The following VPS13A variants were observed in gnomAD, a reference collection of about 807,000 sequenced individuals.
VPS13A encodes intermembrane lipid transfer protein VPS13A.
Under a neutral mutation model 390.9 loss-of-function variants are expected in VPS13A, and 264 were observed. The ratio of observed to expected loss-of-function variants is 0.68; its 90% confidence interval spans 0.61 to 0.75. The LOEUF (loss-of-function observed/expected upper bound fraction) is 0.75, where lower values mean the gene tolerates loss of function less well. Among genes scored for constraint, VPS13A ranks in the 30% least tolerant of loss-of-function variants. The probability of loss-of-function intolerance (pLI) is 0.00; values close to 1 mark genes in which losing one functional copy is unlikely to be tolerated. For synonymous variants in VPS13A, 1,231 were observed against 1,227.1 expected (o/e 1.00, Z -0.07); for missense variants, 3,409 against 3,733.9 (o/e 0.91, Z 2.27).
chr9:77,364,164 G>A (rs538709386), intron 59 of VPS13A, among the ~76,000 whole-genome samples: 5 of 152,232 alleles, frequency 3.3e-5, no homozygotes, highest in East Asian at 1.9e-4. Context: ...GGTGGCTCAC[G>A]CCTGTAATCC....
chr9:77,396,086 A>T (rs1370535744), intron 68 of VPS13A, among the ~76,000 whole-genome samples: 4 of 151,930 alleles, frequency 2.6e-5, no homozygotes, highest in African/African-American at 7.3e-5. Context: ...GTTACTGTGC[A>T]CCTACATTAC....
rs1826656218 is a variant in VPS13A, at chr9:77,276,167, T to C, written c.2770T>C (p.Leu924=). The C allele has an allele frequency of 6.2e-7, 1 of 1,610,822 alleles. No homozygotes were observed. Among genetic ancestry groups the C allele is most frequent in the South Asian group, 1.1e-5 (1 of 90,136 alleles). The change falls in exon 26 of 72, where the codon TTG becomes CTG. Residue 924 remains leucine, a synonymous_variant. Transcript: ENST00000360280. ...GAEIEIRTYD[L]KANAFLKEFC... is the part of the protein sequence containing the mutation. ...AGAAATTGAGATTAGAACATACGATTTGAAAGCAAATGCCTTTTTGAAAGA... is the reference window on the plus strand; with the variant it reads ...AGAAATTGAGATTAGAACATACGATCTGAAAGCAAATGCCTTTTTGAAAGA...
At chr9:77,351,296 G>T (rs574612018) in intron 52 of VPS13A, 21 bp from the exon 53 acceptor site, 3 of 1,610,482 alleles carry the variant, frequency 1.9e-6, no homozygotes, top group Non-Finnish European at 1.7e-6. Context: ...AATTTAACGC[G>T]TATTTTTGCT....
At position 77,419,426 on chromosome 9, in the gene VPS13A, G is replaced by A. The variant is rs1420141108; in HGVS notation, c.*3420G>A. The A allele has an allele frequency of 1.3e-5, 2 of 152,136 alleles. No homozygotes were observed. Among genetic ancestry groups the A allele is most frequent in the Non-Finnish European group, 2.9e-5 (2 of 68,034 alleles). 9.4% of individuals were successfully genotyped at this position (152,136 alleles called of 1,614,324 possible). A position where few individuals can be genotyped will look rare whatever the true frequency, so the allele number is the denominator to read the frequency against. On this transcript the variant is annotated 3_prime_UTR_variant, in exon 72 of 72. Coordinates refer to ENST00000360280, the MANE Select transcript of VPS13A (RefSeq NM_033305.3). ...ATGAAATGCAATTTAAAAAAAGAAAGCTTGAAAGACTGCTGCAGGAGGCAC... is the reference window on the plus strand; with the variant it reads ...ATGAAATGCAATTTAAAAAAAGAAAACTTGAAAGACTGCTGCAGGAGGCAC...
At chr9:77,278,237 ATTTTTTTT>A (rs57545793) in intron 26 of VPS13A, among the ~76,000 whole-genome samples, 16 of 115,400 alleles carry the variant, frequency 1.4e-4, no homozygotes, top group Admixed American at 6.6e-4. Flanking sequence ...CGCCCAGCTA[ATTTTTTTT>A]TTTTTTTTTT....
intron 70 of VPS13A, among the ~76,000 whole-genome samples, chr9:77,406,733 T>A (rs78992962): frequency 1.5e-5 from 2 of 135,422 alleles, no homozygotes; most frequent in African/African-American, 2.7e-5. Context: ...TTTTTTTTTT[T>A]AATTAGAAGA....
intron 17 of VPS13A, among the ~76,000 whole-genome samples, chr9:77,233,425 A>G (rs1823952187): frequency 1.3e-5 from 2 of 151,470 alleles, no homozygotes; most frequent in South Asian, 4.2e-4. Flanking sequence ...GACATGTATT[A>G]TTTTATTCAT....
rs1257341342 is a variant in VPS13A, at chr9:77,414,763, ATAAT to A, written c.9475-1192_9475-1189del. ...ATTAATAATAATAATAATAATAATA[ATAAT>A]AAAAACTTAGAGTAAGAGGACATTT... On this transcript the variant is annotated intron_variant, in intron 71 of 71. Transcript: ENST00000360280. 8.5e-3 allele frequency among the ~76,000 whole-genome samples: 1,273 copies of A among 150,466 alleles called. 9 individuals carry two copies. Among genetic ancestry groups the A allele is most frequent in the South Asian group, 0.014 (66 of 4,782 alleles).
At chr9:77,367,663 G>A (rs912345516) in intron 61 of VPS13A, among the ~76,000 whole-genome samples, 1 of 152,196 alleles carries the variant, frequency 6.6e-6, no homozygotes, top group Non-Finnish European at 1.5e-5. Flanking sequence ...ACCTGCTGCA[G>A]CTGAACCTGG....
intron 21 of VPS13A, 44 bp from the exon 22 acceptor site, chr9:77,252,191 G>T (rs1825180118): frequency 6.9e-7 from 1 of 1,451,412 alleles, no homozygotes. Flanking sequence ...TTTAGGTTTT[G>T]TGTGTTATAG....
chr9:77,325,853 G>A (rs938997845), intron 45 of VPS13A, among the ~76,000 whole-genome samples: 1 of 151,954 alleles, frequency 6.6e-6, no homozygotes, highest in Non-Finnish European at 1.5e-5. Context: ...CATAATACAA[G>A]TTACTATTTT....
chr9:77,414,498 C>G (rs557861339), intron 71 of VPS13A, among the ~76,000 whole-genome samples: 25 of 151,742 alleles, frequency 1.6e-4, no homozygotes, highest in African/African-American at 5.8e-4. Context: ...GACAAAAAAC[C>G]AAACACTGCA....
intron 9 of VPS13A, among the ~76,000 whole-genome samples, chr9:77,213,988 G>A (rs1176549242): frequency 2.0e-5 from 3 of 151,960 alleles, no homozygotes; most frequent in Non-Finnish European, 2.9e-5. Context: ...ATATTGGCAT[G>A]AATATGGCTA....
rs745757262 is a variant in VPS13A, at chr9:77,370,471, G to A, written c.8800G>A (p.Ala2934Thr). 1.9e-6 allele frequency: 3 copies of A among 1,614,060 alleles called. No homozygotes were observed. In the African/African-American group the frequency reaches 4.0e-5, roughly 22 times the overall value. The change falls in exon 65 of 72, where the codon GCT (alanine) becomes ACT (threonine). Residue 2934 changes from alanine to threonine, a missense_variant. Physicochemically the swap from Ala to Thr is moderately conservative, Grantham distance 58 (BLOSUM62 0). Coordinates refer to ENST00000360280, the MANE Select transcript of VPS13A (RefSeq NM_033305.3). ...CGGTGCTATGGCTAAGGGGGTAGCA[G>A]CTATGACCATGGATGAAGACTACCA... Reference protein sequence around the residue: ...ITGAMAKGVAAMTMDEDYQQK... With the variant: ...ITGAMAKGVATMTMDEDYQQK...
chr9:77,201,234 T>C, intron 2 of VPS13A, 131 bp from the exon 3 acceptor site: 1 of 633,660 alleles, frequency 1.6e-6, no homozygotes. Flanking sequence ...TAAATAAATG[T>C]TGATGATAAG....
intron 27 of VPS13A, among the ~76,000 whole-genome samples, chr9:77,281,441 T>C (rs1020127010): frequency 1.3e-5 from 2 of 152,120 alleles, no homozygotes; most frequent in African/African-American, 4.8e-5. Flanking sequence ...TCAAAAATAT[T>C]AAATTTTTTA....
chr9:77,240,518 C>G (rs576146420), intron 19 of VPS13A, among the ~76,000 whole-genome samples: 4 of 145,660 alleles, frequency 2.7e-5, no homozygotes, highest in African/African-American at 1.0e-4. Context: ...GTTCTGTCAG[C>G]CAGGCTGGGG....
rs3824402 is a variant in VPS13A, at chr9:77,419,452, C to G, written c.*3446C>G. ...CTTGAAAGACTGCTGCAGGAGGCAC[C>G]GGCCATCCAGTGATTGTTGGAAGAG... On this transcript the variant is annotated 3_prime_UTR_variant, in exon 72 of 72. Transcript: ENST00000360280. The G allele has an allele frequency of 0.34, 51,864 of 152,002 alleles. 9,356 individuals are homozygous for G. The highest frequency in any genetic ancestry group is 0.45 in the African/African-American group (18,841 of 41,418). The allele number at this position is 152,002 out of a possible 1,614,324, so 9.4% of individuals were successfully genotyped here.
intron 23 of VPS13A, among the ~76,000 whole-genome samples, chr9:77,262,350 A>C (rs182245265): frequency 6.6e-6 from 1 of 152,284 alleles, no homozygotes; most frequent in East Asian, 1.9e-4. Context: ...TTCGGGGGTA[A>C]CAGGGGGTTC....
Sources: allele counts gnomAD v4.1 joint callset (sites outside exome capture counted in the v4.1 genomes callset), GRCh38; gene constraint gnomAD v4.1.1; transcripts MANE v1.5; gene names NCBI Gene and HGNC (gene_info 2026-07-23, HGNC 2026-07-21).